LPP: variants seen among roughly 807,000 people sequenced by gnomAD.
The protein encoded by LPP is lipoma-preferred partner.
LPP carries 38 observed loss-of-function variants against 60.4 expected under a neutral mutation model. That is an observed-to-expected ratio of 0.63 (90% confidence interval 0.49 to 0.83). LPP has a LOEUF of 0.83. Among genes scored for constraint, LPP ranks in the 40% least tolerant of loss-of-function variants. LPP has a pLI of 0.00. For synonymous variants in LPP, 328 were observed against 290.8 expected (o/e 1.13, Z -1.30); for missense variants, 902 against 783.6 (o/e 1.15, Z -1.80).
chr3:188,524,614 T>C lies in LPP; in HGVS notation c.307-51T>C, dbSNP rs1487384321. On this transcript the variant is annotated intron_variant, in intron 5 of 11. Coordinates refer to ENST00000617246, the MANE Select transcript of LPP (RefSeq NM_001375462.1). Reference sequence around the variant, plus strand: ...TAACTTGAGAAATTTGAACTTATAATGATATCAAGGGAAATTTCCTTTGTT... The same window carrying C: ...TAACTTGAGAAATTTGAACTTATAACGATATCAAGGGAAATTTCCTTTGTT... The C allele has an allele frequency of 1.9e-6, 3 of 1,555,518 alleles. No homozygotes were observed. The Admixed American group carries it at 5.9e-5, about 31-fold the overall frequency.
At chr3:188,732,524 G>C (rs185677790) in intron 8 of LPP, among the ~76,000 whole-genome samples, 4 of 151,892 alleles carry the variant, frequency 2.6e-5, no homozygotes, top group Non-Finnish European at 4.4e-5. Flanking sequence ...TTGGGAGGCC[G>C]AGGCGGGTCA....
chr3:188,181,894 A>C (rs928686851), intron 1 of LPP, among the ~76,000 whole-genome samples: 7 of 152,066 alleles, frequency 4.6e-5, no homozygotes, highest in African/African-American at 1.7e-4. Flanking sequence ...GGCCATGTAC[A>C]TACTGTTTTG....
At chr3:188,441,174 C>A (rs567191662) in intron 4 of LPP, among the ~76,000 whole-genome samples, 1 of 152,110 alleles carries the variant, frequency 6.6e-6, no homozygotes, top group Non-Finnish European at 1.5e-5. Flanking sequence ...GTTGACACTG[C>A]AGAGATGATG....
chr3:188,456,424 C>G (rs951262421), intron 4 of LPP, among the ~76,000 whole-genome samples: 2 of 152,110 alleles, frequency 1.3e-5, no homozygotes, highest in African/African-American at 4.8e-5. Flanking sequence ...AGAGCGATAA[C>G]GTTATAAAAG....
chr3:188,742,346 T>A (rs1013527022), intron 8 of LPP, among the ~76,000 whole-genome samples: 2 of 152,048 alleles, frequency 1.3e-5, no homozygotes, highest in South Asian at 4.1e-4. Context: ...TACACAAATG[T>A]TCATAGCAAC....
chr3:188,278,700 A>G lies in LPP; in HGVS notation c.-67+53173A>G, dbSNP rs553378628. Among the ~76,000 whole-genome samples the G allele has an allele frequency of 5.9e-5, 9 of 152,206 alleles. No homozygotes were observed. In the East Asian group the frequency reaches 1.7e-3, roughly 29 times the overall value. ...ACTATATAACCATGGCTCTATTATA[A>G]TACAATACGTTATAATAAGATCTAG... On this transcript the variant is annotated intron_variant, in intron 2 of 11. Transcript: ENST00000617246.
At chr3:188,820,158 C>G (rs1753570660) in intron 9 of LPP, among the ~76,000 whole-genome samples, 1 of 152,210 alleles carries the variant, frequency 6.6e-6, no homozygotes, top group Non-Finnish European at 1.5e-5. Flanking sequence ...ATTACATTAA[C>G]TGCTGTTAGC....
chr3:188,668,318 A>G (rs542360704), intron 7 of LPP, among the ~76,000 whole-genome samples: 1 of 152,188 alleles, frequency 6.6e-6, no homozygotes, highest in African/African-American at 2.4e-5. Context: ...TGAACAATGT[A>G]CAATAGGAAA....
At chr3:188,406,350 A>G (rs1783484999) in intron 4 of LPP, 37 bp downstream of exon 4, 1 of 1,566,252 alleles carries the variant, frequency 6.4e-7, no homozygotes, top group Admixed American at 1.7e-5. Flanking sequence ...TACTTGGAGT[A>G]GGAAAATTCA....
chr3:188,717,567 TG>T lies in LPP; in HGVS notation c.1240+9180del, dbSNP rs574613078. On this transcript the variant is annotated intron_variant, in intron 8 of 11. Coordinates refer to ENST00000617246, the MANE Select transcript of LPP (RefSeq NM_001375462.1). ...GCTTAGAGAGAAGGTTGTATTGATT[TG>T]GGGGGAAAAATGGGTTTTTTGGTTT... Among the ~76,000 whole-genome samples the T allele has an allele frequency of 5.7e-4, 87 of 152,184 alleles. No individual in the cohort carries two copies. The South Asian group carries it at 0.016, about 29-fold the overall frequency.
chr3:188,484,612 C>G lies in LPP; in HGVS notation c.214C>G (p.Pro72Ala). Reference sequence around the variant, plus strand: ...TGTAGGTGATTTTCTTCCACCCCCACCTCCACCTCTAGATGATTCCAGTGC... The same window carrying G: ...TGTAGGTGATTTTCTTCCACCCCCAGCTCCACCTCTAGATGATTCCAGTGC... ...GGEGDFLPPP[P>A]PPLDDSSALP... The change falls in exon 5 of 12, where the codon CCT becomes GCT. Residue 72 changes from proline to alanine, a missense_variant. By Grantham distance (27) the Pro-to-Ala change is conservative (BLOSUM62 -1). Transcript: ENST00000617246. 6.2e-7 allele frequency: 1 copy of G among 1,613,610 alleles called. No individual in the cohort carries two copies. The highest frequency in any genetic ancestry group is 8.5e-7 in the Non-Finnish European group (1 of 1,179,640).
chr3:188,347,836 T>A (rs1764806657), intron 3 of LPP, among the ~76,000 whole-genome samples: 1 of 152,200 alleles, frequency 6.6e-6, no homozygotes, highest in South Asian at 2.1e-4. Context: ...TGGCAGTACC[T>A]TCACCTTGCA....
rs537655208 is a variant in LPP, at chr3:188,352,615, G to C, written c.-10+10896G>C. ...TGAGGACAGTGAGGCGCATTATGCG[G>C]AGGTGACTTGCTCAAGGCCACAGAG... On this transcript the variant is annotated intron_variant, in intron 3 of 11. Transcript: ENST00000617246. The surrounding 1 kb of genome is among the most constrained non-coding windows in gnomAD (Gnocchi z 4.4). Among the ~76,000 whole-genome samples the C allele has an allele frequency of 5.3e-5, 8 of 152,344 alleles. No homozygotes were observed. Among genetic ancestry groups the C allele is most frequent in the African/African-American group, 1.9e-4 (8 of 41,588 alleles).
chr3:188,646,999 G>A (rs1201960187), intron 7 of LPP, among the ~76,000 whole-genome samples: 1 of 152,200 alleles, frequency 6.6e-6, no homozygotes, highest in African/African-American at 2.4e-5. Flanking sequence ...TGTTAATTGA[G>A]CTAGATAACA....
chr3:188,374,995 A>G (rs1418444151), intron 3 of LPP, among the ~76,000 whole-genome samples: 1 of 152,122 alleles, frequency 6.6e-6, no homozygotes, highest in South Asian at 2.1e-4. Context: ...TTCTGTTTAT[A>G]TGCTGGATTA....
At chr3:188,624,779 T>TTTCTTTCCTTCC (rs1846481456) in intron 7 of LPP, among the ~76,000 whole-genome samples, 4 of 60,774 alleles carry the variant, frequency 6.6e-5, no homozygotes, top group Admixed American at 2.3e-4. Context: ...CTTCCTTCCT[T>TTTCTTTCCTTCC]TTCCTTCCTT....
intron 6 of LPP, among the ~76,000 whole-genome samples, chr3:188,559,056 A>G (rs1314514347): frequency 6.6e-6 from 1 of 152,104 alleles, no homozygotes; most frequent in African/African-American, 2.4e-5. Flanking sequence ...CTGTCTAGCT[A>G]TATGACCTTG....
At chr3:188,161,156 G>A (rs1158017556) in intron 1 of LPP, among the ~76,000 whole-genome samples, 1 of 152,184 alleles carries the variant, frequency 6.6e-6, no homozygotes, top group Non-Finnish European at 1.5e-5. Context: ...GCAGAGGTGG[G>A]AGGGAGCAGG....
chr3:188,257,512 T>A (rs1732059027), intron 2 of LPP, among the ~76,000 whole-genome samples: 1 of 152,230 alleles, frequency 6.6e-6, no homozygotes, highest in Non-Finnish European at 1.5e-5. Context: ...GGAACTGACA[T>A]GTAGTTTAAA....
Sources: allele counts gnomAD v4.1 joint callset (sites outside exome capture counted in the v4.1 genomes callset), GRCh38; gene constraint gnomAD v4.1.1; non-coding constraint Gnocchi (gnomAD v3.1); transcripts MANE v1.5; gene names NCBI Gene and HGNC (gene_info 2026-07-23, HGNC 2026-07-21).